Variants in ENTREP2 observed in about 807,000 individuals in gnomAD.
The protein encoded by ENTREP2 is protein ENTREP2.
At chr15:29,531,035 G>A in the ENTREP2 span, among the ~76,000 whole-genome samples, 1 of 152,338 alleles carries the variant, frequency 6.6e-6, no homozygotes, top group African/African-American at 2.4e-5. Flanking sequence ...GCACCTGCCT[G>A]CATTCTTCCC....
chr15:29,302,400 G>C, the ENTREP2 span, among the ~76,000 whole-genome samples: 2 of 152,162 alleles, frequency 1.3e-5, no homozygotes, highest in African/African-American at 4.8e-5. Context: ...AGGAGGTATA[G>C]AGTCCCATGT....
At chr15:29,378,174 C>A in the ENTREP2 span, among the ~76,000 whole-genome samples, 2 of 150,010 alleles carry the variant, frequency 1.3e-5, no homozygotes, top group African/African-American at 5.0e-5. Context: ...GCTTTAAAAA[C>A]CTTTTTTAAA....
chr15:29,287,251 G>A, the ENTREP2 span, among the ~76,000 whole-genome samples: 3 of 152,090 alleles, frequency 2.0e-5, no homozygotes, highest in African/African-American at 7.2e-5. Context: ...TTGGGATAAA[G>A]TCACTTTCCT....
At chr15:29,342,739 TCA>T in the ENTREP2 span, among the ~76,000 whole-genome samples, 1 of 152,152 alleles carries the variant, frequency 6.6e-6, no homozygotes, top group African/African-American at 2.4e-5. Context: ...ACCACGAGGT[TCA>T]CAGTGTTTTC....
the ENTREP2 span, among the ~76,000 whole-genome samples, chr15:29,365,837 G>A: frequency 6.6e-6 from 1 of 151,940 alleles, no homozygotes; most frequent in African/African-American, 2.4e-5. Flanking sequence ...ACCAGAAGAC[G>A]ACACCTTTGT....
At chr15:29,564,559 G>A in the ENTREP2 span, among the ~76,000 whole-genome samples, 2 of 152,146 alleles carry the variant, frequency 1.3e-5, no homozygotes, top group Admixed American at 6.5e-5. Flanking sequence ...ATTCTCCCAG[G>A]TCCACACACA....
chr15:29,283,873 T>C, the ENTREP2 span, among the ~76,000 whole-genome samples: 1 of 152,214 alleles, frequency 6.6e-6, no homozygotes, highest in Non-Finnish European at 1.5e-5. Context: ...TGCTCAACTT[T>C]TTCCATTTAA....
the ENTREP2 span, among the ~76,000 whole-genome samples, chr15:29,525,432 C>A: frequency 6.6e-6 from 1 of 152,198 alleles, no homozygotes; most frequent in African/African-American, 2.4e-5. Context: ...TAGATGCTCA[C>A]AAAATAGACG....
chr15:29,607,397 G>T, the ENTREP2 span, among the ~76,000 whole-genome samples: 1 of 151,152 alleles, frequency 6.6e-6, no homozygotes. Flanking sequence ...AGGAACACAG[G>T]TATTGACATC....
At chr15:29,536,196 G>A in the ENTREP2 span, among the ~76,000 whole-genome samples, 1 of 152,152 alleles carries the variant, frequency 6.6e-6, no homozygotes, top group South Asian at 2.1e-4. Context: ...GGGGCTTCTA[G>A]GAAAGATTTC....
At chr15:29,246,973 G>GCACACACACACACACACA in the ENTREP2 span, among the ~76,000 whole-genome samples, 1 of 137,012 alleles carries the variant, frequency 7.3e-6, no homozygotes, top group East Asian at 2.2e-4. Context: ...GACTGGAAAG[G>GCACACACACACACACACA]CACACACACA....
chr15:29,125,126 T>C, the ENTREP2 span, among the ~76,000 whole-genome samples: 1 of 151,716 alleles, frequency 6.6e-6, no homozygotes, highest in African/African-American at 2.4e-5. Flanking sequence ...GTCAGGCGGG[T>C]GTGTGGGTGC....
At chr15:29,374,936 T>TA in the ENTREP2 span, 6 of 152,210 alleles carry the variant, frequency 3.9e-5, no homozygotes, top group Admixed American at 2.0e-4. Context: ...GGGTTTTTTT[T>TA]ATACCTCCAT....
the ENTREP2 span, among the ~76,000 whole-genome samples, chr15:29,306,298 G>A: frequency 2.0e-5 from 3 of 152,182 alleles, no homozygotes; most frequent in Non-Finnish European, 2.9e-5. Flanking sequence ...TCCTTGGGGG[G>A]GATGAGGAAG....
At chr15:29,509,190 AC>A in the ENTREP2 span, among the ~76,000 whole-genome samples, 4 of 152,212 alleles carry the variant, frequency 2.6e-5, no homozygotes, top group African/African-American at 9.7e-5. Context: ...AATACAACTT[AC>A]AAGGGATGTG....
chr15:29,642,472 T>C, the ENTREP2 span, among the ~76,000 whole-genome samples: 1 of 147,754 alleles, frequency 6.8e-6, no homozygotes, highest in African/African-American at 2.5e-5. Context: ...ATATATATAC[T>C]GTATATACAC....
the ENTREP2 span, among the ~76,000 whole-genome samples, chr15:29,141,762 C>G: frequency 6.6e-6 from 1 of 152,352 alleles, no homozygotes; most frequent in East Asian, 1.9e-4. Flanking sequence ...CTTGTTACTA[C>G]CGAAGTTTGC....
At chr15:29,444,713 C>A in the ENTREP2 span, among the ~76,000 whole-genome samples, 1 of 152,252 alleles carries the variant, frequency 6.6e-6, no homozygotes, top group Non-Finnish European at 1.5e-5. Flanking sequence ...GATCCGCCCA[C>A]CTCGGCCTCC....
At chr15:29,308,633 C>T in the ENTREP2 span, among the ~76,000 whole-genome samples, 1 of 152,166 alleles carries the variant, frequency 6.6e-6, no homozygotes, top group Non-Finnish European at 1.5e-5. Context: ...TGACTGGAGG[C>T]AGTGAATGGT....
Sources: allele counts gnomAD v4.1 joint callset (sites outside exome capture counted in the v4.1 genomes callset), GRCh38; gene constraint gnomAD v4.1.1; transcripts MANE v1.5; gene names NCBI Gene and HGNC (gene_info 2026-07-23, HGNC 2026-07-21).